Variants in TRIM36 observed in about 807,000 individuals in gnomAD.
The protein encoded by TRIM36 is tripartite motif containing 36.
Under a neutral mutation model 72.4 loss-of-function variants are expected in TRIM36, and 42 were observed. The observed-to-expected ratio is 0.58, with a 90% CI of 0.45 to 0.75. The LOEUF (loss-of-function observed/expected upper bound fraction) is 0.75, where lower values mean the gene tolerates loss of function less well. TRIM36 is among the 30% of genes least tolerant of loss of function. The pLI is 0.00. For synonymous variants in TRIM36, 315 were observed against 282.8 expected, an observed-to-expected ratio of 1.11 and a Z score of -1.14; for missense variants, 913 against 857.1, an observed-to-expected ratio of 1.07 and a Z score of -0.81.
chr5:115,175,259 GT>G (rs1488099115), intron 1 of TRIM36, among the ~76,000 whole-genome samples: 1 of 152,066 alleles, frequency 6.6e-6, no homozygotes, highest in Non-Finnish European at 1.5e-5. Flanking sequence ...TGGATATAAG[GT>G]GTCTCAAGGC....
intron 7 of TRIM36, among the ~76,000 whole-genome samples, chr5:115,135,596 A>T (rs1752922940): frequency 6.6e-6 from 1 of 152,136 alleles, no homozygotes; most frequent in African/African-American, 2.4e-5. Context: ...ATACAGTGGT[A>T]TAACCCAGGA....
At chr5:115,160,021 A>G (rs1458372591) in intron 2 of TRIM36, among the ~76,000 whole-genome samples, 2 of 152,184 alleles carry the variant, frequency 1.3e-5, no homozygotes, top group Admixed American at 1.3e-4. Context: ...CTGTTAAAAA[A>G]AAGAAAAAAA....
At chr5:115,169,978 G>C (rs902365221), upstream of TRIM36, 1 of 1,145,292 alleles carries the variant, frequency 8.7e-7, no homozygotes, top group Non-Finnish European at 1.1e-6. Flanking sequence ...TGGCCTGGTC[G>C]TTGCCCAGGC....
Sources: gnomAD v4.1 joint callset for allele counts (sites outside exome capture counted in the v4.1 genomes callset) on GRCh38, gnomAD v4.1.1 for gene constraint, MANE v1.5 for transcripts, NCBI Gene and HGNC (gene_info 2026-07-23, HGNC 2026-07-21) for gene names.